The following PLXNA4 variants were observed in gnomAD, a reference collection of about 807,000 sequenced individuals.
The protein encoded by PLXNA4 is plexin A4.
A neutral mutation model predicts 191.8 loss-of-function variants in PLXNA4; 44 were observed. That is an observed-to-expected ratio of 0.23 (90% CI 0.18 to 0.29). PLXNA4 has a LOEUF of 0.29. Among genes scored for constraint, PLXNA4 ranks in the 10% least tolerant of loss-of-function variants. The pLI, the probability that PLXNA4 is intolerant of heterozygous loss-of-function variation, is 1.00. For synonymous variants in PLXNA4, 1,082 were observed against 1,009.5 expected, an observed-to-expected ratio of 1.07 and a Z score of -1.36; for missense variants, 1,800 against 2,488.8, an observed-to-expected ratio of 0.72 and a Z score of 5.89.
At chr7:132,630,686 T>C (rs1803476634) in intron 2 of PLXNA4, among the ~76,000 whole-genome samples, 1 of 152,048 alleles carries the variant, frequency 6.6e-6, no homozygotes, top group African/African-American at 2.4e-5. Context: ...TAATTTTTTG[T>C]ATTTTTAGTA....
intron 3 of PLXNA4, among the ~76,000 whole-genome samples, chr7:132,378,050 G>C (rs1804735083): frequency 6.6e-6 from 1 of 152,138 alleles, no homozygotes; most frequent in South Asian, 2.1e-4. Context: ...CACCCTAGAA[G>C]TTCCATCACC....
chr7:132,632,978 ACAGACC>A (rs997582841), intron 2 of PLXNA4, among the ~76,000 whole-genome samples: 3 of 151,970 alleles, frequency 2.0e-5, no homozygotes, highest in Non-Finnish European at 4.4e-5. Flanking sequence ...AGGTGGGGAG[ACAGACC>A]CCCAGCTTCA....
chr7:132,353,442 T>C (rs1003256761), intron 3 of PLXNA4, among the ~76,000 whole-genome samples: 3 of 137,110 alleles, frequency 2.2e-5, no homozygotes, highest in Non-Finnish European at 4.7e-5. Flanking sequence ...CTCGGTTCTA[T>C]GCAACATATA....
chr7:132,143,416 G>A (rs933831391), intron 29 of PLXNA4, among the ~76,000 whole-genome samples: 2 of 152,212 alleles, frequency 1.3e-5, no homozygotes, highest in Admixed American at 1.3e-4. Context: ...AGGAGGGATG[G>A]GGTGAAAACA....
intron 20 of PLXNA4, among the ~76,000 whole-genome samples, chr7:132,176,615 T>C (rs1562899166): frequency 6.6e-6 from 1 of 151,794 alleles, no homozygotes; most frequent in East Asian, 1.9e-4. Flanking sequence ...TGTGTATGAC[T>C]GCATGTGTGT....
intron 1 of PLXNA4, among the ~76,000 whole-genome samples, chr7:132,567,316 T>C (rs1372528482): frequency 1.9e-5 from 1 of 53,370 alleles, no homozygotes; most frequent in African/African-American, 7.4e-5. Flanking sequence ...CGCCGCAATC[T>C]ATCAGTGCCA....
chr7:132,290,908 C>T (rs751398792), intron 4 of PLXNA4, among the ~76,000 whole-genome samples: 3 of 152,346 alleles, frequency 2.0e-5, no homozygotes, highest in African/African-American at 4.8e-5. Context: ...TACAGAACTA[C>T]GTAATTTGCA....
At chr7:132,385,389 A>G (rs1805084040) in intron 3 of PLXNA4, 2 of 1,447,530 alleles carry the variant, frequency 1.4e-6, no homozygotes, top group Admixed American at 5.6e-5. Flanking sequence ...GTTTACAGTA[A>G]ATATGTATTA....
chr7:132,556,428 T>C (rs1032782804), intron 1 of PLXNA4, among the ~76,000 whole-genome samples: 3 of 152,214 alleles, frequency 2.0e-5, no homozygotes, highest in Non-Finnish European at 2.9e-5. Flanking sequence ...TAACAAATAT[T>C]GGTAGGTAGG....
In PLXNA4 at chr7:132,127,748, G is replaced by A. The variant is rs2116475355; in HGVS notation, c.*2731C>T. ...AACCAGCCCCAAACCCCTCCCCCAG[G>A]AGAAATGGGGACAGCCAGAAAATTT... is the stretch of plus-strand genomic sequence containing the variant. On this transcript the variant is annotated 3_prime_UTR_variant, in exon 32 of 32. Transcript: ENST00000321063. The A allele has an allele frequency of 6.6e-6, 1 of 152,200 alleles. No individual in the cohort carries two copies. Among genetic ancestry groups the A allele is most frequent in the South Asian group, 2.1e-4 (1 of 4,812 alleles). 9.4% of individuals were successfully genotyped at this position (152,200 alleles called of 1,614,324 possible).
intron 1 of PLXNA4, among the ~76,000 whole-genome samples, chr7:132,564,821 C>A (rs539588528): frequency 2.6e-5 from 4 of 152,264 alleles, no homozygotes; most frequent in East Asian, 1.9e-4. Context: ...CCCAATTGAA[C>A]CTACTACTAC....
At chr7:132,444,128 T>C (rs1795801467) in intron 3 of PLXNA4, among the ~76,000 whole-genome samples, 1 of 152,258 alleles carries the variant, frequency 6.6e-6, no homozygotes, top group Non-Finnish European at 1.5e-5. Flanking sequence ...AATCTGAAAG[T>C]CCTTTGTCTT....
intron 1 of PLXNA4, among the ~76,000 whole-genome samples, chr7:132,554,423 C>T (rs1337499623): frequency 3.9e-5 from 6 of 152,210 alleles, no homozygotes; most frequent in African/African-American, 1.4e-4. Flanking sequence ...CACTGACACA[C>T]TCCGTTTCCA....
intron 2 of PLXNA4, among the ~76,000 whole-genome samples, chr7:132,631,478 A>T (rs1803489307): frequency 6.6e-6 from 1 of 152,142 alleles, no homozygotes; most frequent in Admixed American, 6.5e-5. Flanking sequence ...GAGTAGGGAG[A>T]TAGGCATTTC....
At chr7:132,525,390 C>A (rs995438996) in intron 1 of PLXNA4, among the ~76,000 whole-genome samples, 1 of 152,162 alleles carries the variant, frequency 6.6e-6, no homozygotes, top group Non-Finnish European at 1.5e-5. Context: ...GCTGGGACAG[C>A]ATGCACAGGC....
intron 3 of PLXNA4, among the ~76,000 whole-genome samples, chr7:132,325,719 G>T (rs1005669941): frequency 2.6e-5 from 4 of 152,134 alleles, no homozygotes; most frequent in Admixed American, 2.6e-4. Context: ...CAGACTTCTA[G>T]CCTCCAGGAC....
At position 132,508,369 on chromosome 7, in the gene PLXNA4, T is replaced by C. The variant is rs764262800; in HGVS notation, c.325A>G (p.Thr109Ala). 21 of 1,614,084 alleles carry C rather than the reference T, an allele frequency of 1.3e-5. No individual in the cohort carries two copies. Among genetic ancestry groups the C allele is most frequent in the Non-Finnish European group, 1.8e-5 (21 of 1,180,046 alleles). ...RIVQTCNEPL[T>A]TTNNVNKMLL... is the part of the protein sequence containing the mutation. ...ATCTTGTTGACATTGTTGGTGGTGG[T>C]CAGGGGCTCATTGCAGGTCTGGACG... Residue 109 changes from threonine to alanine, a missense_variant, in exon 2 of 32, where the codon ACC becomes GCC. Coordinates refer to ENST00000321063, the MANE Select transcript of PLXNA4 (RefSeq NM_020911.2). This position sits in a 1 kb window ranked among gnomAD's most constrained non-coding sequence, Gnocchi z 4.4.
intron 25 of PLXNA4, among the ~76,000 whole-genome samples, chr7:132,153,486 G>A (rs1795703921): frequency 6.6e-6 from 1 of 151,972 alleles, no homozygotes; most frequent in Admixed American, 6.6e-5. Flanking sequence ...TGAAGGTAGT[G>A]GGGCAGGGGT....
intron 2 of PLXNA4, among the ~76,000 whole-genome samples, chr7:132,603,559 A>G (rs952530529): frequency 2.6e-5 from 4 of 152,122 alleles, no homozygotes; most frequent in African/African-American, 7.2e-5. Flanking sequence ...TTTTTTGACC[A>G]CCTGCTGGCC....
Sources: gnomAD v4.1 joint callset for allele counts (sites outside exome capture counted in the v4.1 genomes callset) on GRCh38, gnomAD v4.1.1 for gene constraint, Gnocchi (gnomAD v3.1) non-coding constraint, MANE v1.5 for transcripts, NCBI Gene and HGNC (gene_info 2026-07-23, HGNC 2026-07-21) for gene names.